C10orf90: variants seen among roughly 807,000 people sequenced by gnomAD.
C10orf90 encodes chromosome 10 open reading frame 90.
Under a neutral mutation model 62.5 loss-of-function variants are expected in C10orf90, and 56 were observed. The ratio of observed to expected loss-of-function variants is 0.90; its 90% CI spans 0.72 to 1.12. C10orf90 has a LOEUF of 1.12. Ranked by LOEUF, C10orf90 falls within the 50% of genes most tolerant of loss-of-function variation. The pLI is 0.00. For missense variants in C10orf90, 970 were observed against 880.4 expected, an observed-to-expected ratio of 1.10 and a Z score of -1.29; for synonymous variants, 386 against 340.4, an observed-to-expected ratio of 1.13 and a Z score of -1.47.
chr10:126,558,878 G>A (rs190713479), intron 2 of C10orf90, among the ~76,000 whole-genome samples: 29 of 152,336 alleles, frequency 1.9e-4, no homozygotes, highest in African/African-American at 6.7e-4. Context: ...TGGCAGTGCT[G>A]GGTAAATGCT....
chr10:126,495,107 C>T (rs1169011000), intron 4 of C10orf90, among the ~76,000 whole-genome samples: 2 of 152,172 alleles, frequency 1.3e-5, no homozygotes, highest in Non-Finnish European at 2.9e-5. Context: ...GTTACCCTGA[C>T]ACTCACAGTT....
intron 2 of C10orf90, among the ~76,000 whole-genome samples, chr10:126,606,833 A>G (rs2133793714): frequency 1.3e-5 from 2 of 152,302 alleles, no homozygotes; most frequent in South Asian, 4.1e-4. Context: ...CTGGACCTGA[A>G]CATAACCAGG....
intron 2 of C10orf90, among the ~76,000 whole-genome samples, chr10:126,637,914 G>A (rs992980883): frequency 6.6e-5 from 10 of 152,196 alleles, no homozygotes; most frequent in Non-Finnish European, 1.2e-4. Context: ...AGGTACAGTT[G>A]GGCTATTGCA....
At chr10:126,470,992 A>G (rs1382639175) in intron 4 of C10orf90, among the ~76,000 whole-genome samples, 1 of 152,208 alleles carries the variant, frequency 6.6e-6, no homozygotes, top group Non-Finnish European at 1.5e-5. Flanking sequence ...TTTAAAATCA[A>G]CTGATAATTG....
At chr10:126,526,824 G>A (rs1404329877) in intron 2 of C10orf90, among the ~76,000 whole-genome samples, 2 of 152,078 alleles carry the variant, frequency 1.3e-5, no homozygotes, top group Non-Finnish European at 2.9e-5. Context: ...ATAATATGTG[G>A]GCTTTTGTTT....
intron 4 of C10orf90, 30 bp downstream of exon 4, chr10:126,503,927 C>A: frequency 6.3e-7 from 1 of 1,578,558 alleles, no homozygotes; most frequent in South Asian, 1.2e-5. Context: ...TTACTCAGGT[C>A]ACCCTCCTGC....
intron 2 of C10orf90, among the ~76,000 whole-genome samples, chr10:126,515,924 T>A (rs1156869431): frequency 6.6e-6 from 1 of 152,232 alleles, no homozygotes; most frequent in Non-Finnish European, 1.5e-5. Flanking sequence ...CAAGATGACG[T>A]GCACAGATTA....
In C10orf90 at chr10:126,539,848, G is replaced by A. The variant is rs568923793; in HGVS notation, c.314-25909C>T. Among the ~76,000 whole-genome samples the A allele has an allele frequency of 4.6e-5, 7 of 152,282 alleles. No individual in the cohort carries two copies. In the South Asian group the frequency reaches 1.4e-3, roughly 32 times the overall value. On this transcript the variant is annotated intron_variant, in intron 2 of 9. Coordinates refer to ENST00000488181, the MANE Select transcript of C10orf90 (RefSeq NM_001350921.2). ...TAAATAATAAAACTTTAGATGCTAG[G>A]AAGAGGCAAGCATTCCCAGGCTTAC...
chr10:126,504,859 T>A lies in C10orf90; in HGVS notation c.632A>T (p.Asp211Val). Residue 211 changes from aspartate to valine, a missense_variant, in exon 4 of 10, where the codon GAT (aspartate) becomes GTT (valine). Physicochemically the swap from Asp to Val is radical, Grantham distance 152. Coordinates refer to ENST00000488181, the MANE Select transcript of C10orf90 (RefSeq NM_001350921.2). This position sits in a 1 kb window ranked among gnomAD's most constrained non-coding sequence, Gnocchi z 4.1. ...CAGCTCTGCCTCAGGTCCTCGCTCA[T>A]CTGACGGTGCCGGGATTCCTAATCT... The part of the protein sequence containing the change: ...PGRLGIPAPS[D>V]ERGPEAELPP... 1 of 1,612,892 alleles carries A rather than the reference T, an allele frequency of 6.2e-7. No homozygotes were observed. The highest frequency in any genetic ancestry group is 1.3e-5 in the African/African-American group (1 of 75,048).
At chr10:126,457,950 A>G (rs770046268) in intron 7 of C10orf90, among the ~76,000 whole-genome samples, 1 of 152,146 alleles carries the variant, frequency 6.6e-6, no homozygotes, top group Non-Finnish European at 1.5e-5. Flanking sequence ...TCGTTAGTAT[A>G]CTGGAACTTG....
intron 2 of C10orf90, among the ~76,000 whole-genome samples, chr10:126,518,154 A>G (rs1001797490): frequency 6.6e-6 from 1 of 151,718 alleles, no homozygotes; most frequent in Non-Finnish European, 1.5e-5. Flanking sequence ...ACAGGGTCCT[A>G]CCCCGCATTG....
At chr10:126,464,641 A>C (rs1860174976) in intron 5 of C10orf90, 55 bp downstream of exon 5, 7 of 1,546,046 alleles carry the variant, frequency 4.5e-6, no homozygotes, top group Non-Finnish European at 5.3e-6. Flanking sequence ...GCAATCAACA[A>C]ATTTTTATCG....
At chr10:126,479,598 G>A (rs1454472784) in intron 4 of C10orf90, among the ~76,000 whole-genome samples, 2 of 152,170 alleles carry the variant, frequency 1.3e-5, no homozygotes, top group African/African-American at 4.8e-5. Context: ...CTGACAACAG[G>A]CATGGCAGCA....
At position 126,536,420 on chromosome 10, in the gene C10orf90, T is replaced by C. The variant is rs949276331; in HGVS notation, c.314-22481A>G. On this transcript the variant is annotated intron_variant, in intron 2 of 9. Coordinates refer to ENST00000488181, the MANE Select transcript of C10orf90 (RefSeq NM_001350921.2). ...TTCCTTTCCTGACTACTGCGTACTA[T>C]CTGCGTAAGGACCTCAGATGGATCA... 2.6e-5 allele frequency among the ~76,000 whole-genome samples: 4 copies of C among 152,204 alleles called. No individual in the cohort carries two copies. In the East Asian group the frequency reaches 7.7e-4, roughly 29 times the overall value.
At chr10:126,643,078 T>C (rs1846097501) in intron 2 of C10orf90, among the ~76,000 whole-genome samples, 1 of 152,250 alleles carries the variant, frequency 6.6e-6, no homozygotes, top group African/African-American at 2.4e-5. Context: ...CAGAGTTGTC[T>C]TCCTAGCACT....
At position 126,599,966 on chromosome 10, in the gene C10orf90, A is replaced by G. The variant is rs1055788766; in HGVS notation, c.313+46599T>C. ...AATTAATCAGTCAGAAAGTGTTTCA[A>G]TTTTAAGATGTAAATGTCTATCTTT... On this transcript the variant is annotated intron_variant, in intron 2 of 9. Coordinates refer to ENST00000488181, the MANE Select transcript of C10orf90 (RefSeq NM_001350921.2). Among the ~76,000 whole-genome samples, 8 of 152,236 alleles carry G rather than the reference A, an allele frequency of 5.3e-5. No individual in the cohort carries two copies. The South Asian group carries it at 1.2e-3, about 24-fold the overall frequency.
chr10:126,439,895 A>T (rs1453135646), intron 7 of C10orf90, among the ~76,000 whole-genome samples: 1 of 152,188 alleles, frequency 6.6e-6, no homozygotes, highest in Non-Finnish European at 1.5e-5. Context: ...AGCAGCGGGA[A>T]AGGCCCTGGG....
At chr10:126,482,525 G>T (rs543923856) in intron 4 of C10orf90, among the ~76,000 whole-genome samples, 1 of 152,166 alleles carries the variant, frequency 6.6e-6, no homozygotes, top group Non-Finnish European at 1.5e-5. Flanking sequence ...AAGCACAGGT[G>T]AGCAGGAAAT....
chr10:126,471,674 G>A (rs976320416), intron 4 of C10orf90, among the ~76,000 whole-genome samples: 2 of 152,192 alleles, frequency 1.3e-5, no homozygotes, highest in Non-Finnish European at 2.9e-5. Context: ...AAGGTACCAT[G>A]TGGGCAATTG....
Sources: gnomAD v4.1 joint callset for allele counts (sites outside exome capture counted in the v4.1 genomes callset) on GRCh38, gnomAD v4.1.1 for gene constraint, Gnocchi (gnomAD v3.1) non-coding constraint, MANE v1.5 for transcripts, NCBI Gene and HGNC (gene_info 2026-07-23, HGNC 2026-07-21) for gene names.